Variants in SNTB1 observed in about 807,000 individuals in gnomAD.
SNTB1 encodes the protein beta-1-syntrophin.
SNTB1 carries 36 observed loss-of-function variants against 48.9 expected under a neutral mutation model. That is an observed-to-expected ratio of 0.74 (90% CI 0.56 to 0.97). The LOEUF is 0.97. SNTB1 is among the 50% of genes least tolerant of loss of function. SNTB1 has a pLI of 0.00. For synonymous variants in SNTB1, 299 were observed against 294.6 expected (o/e 1.01, Z -0.15); for missense variants, 786 against 703.4 (o/e 1.12, Z -1.33).
chr8:120,638,469 A>T (rs1390583122), intron 2 of SNTB1, among the ~76,000 whole-genome samples: 1 of 151,584 alleles, frequency 6.6e-6, no homozygotes, highest in Non-Finnish European at 1.5e-5. Context: ...GGTTTGTTAC[A>T]TGTGTATACA....
intron 2 of SNTB1, among the ~76,000 whole-genome samples, chr8:120,690,108 G>C (rs750224193): frequency 6.6e-6 from 1 of 152,160 alleles, no homozygotes; most frequent in African/African-American, 2.4e-5. Context: ...GAGAGACAGA[G>C]AGACCATATT....
chr8:120,560,440 G>A (rs1014280545), intron 4 of SNTB1, among the ~76,000 whole-genome samples: 11 of 152,120 alleles, frequency 7.2e-5, no homozygotes, highest in Admixed American at 2.0e-4. Flanking sequence ...CCGAGATTGC[G>A]CCATTGCACT....
At chr8:120,621,360 T>A (rs60436370) in intron 3 of SNTB1, among the ~76,000 whole-genome samples, 13,197 of 152,202 alleles carry the variant, frequency 0.087, 893 homozygotes, top group African/African-American at 0.18. Context: ...CAGTAAAGTG[T>A]CTAGGGAACC....
intron 1 of SNTB1, among the ~76,000 whole-genome samples, chr8:120,745,781 C>T (rs1433271590): frequency 1.3e-5 from 2 of 152,182 alleles, no homozygotes; most frequent in South Asian, 4.1e-4. Context: ...TAATCCTTAA[C>T]AGCTGCCATG....
At chr8:120,574,389 T>G (rs1484735116) in intron 4 of SNTB1, among the ~76,000 whole-genome samples, 1 of 152,098 alleles carries the variant, frequency 6.6e-6, no homozygotes, top group Non-Finnish European at 1.5e-5. Context: ...AAATAAAATA[T>G]AGAGGAAGGA....
At chr8:120,659,519 T>G (rs563852121) in intron 2 of SNTB1, among the ~76,000 whole-genome samples, 5 of 152,310 alleles carry the variant, frequency 3.3e-5, no homozygotes, top group East Asian at 1.9e-4. Flanking sequence ...GAGTTACCCA[T>G]GAGGGTTGGA....
chr8:120,688,687 A>G (rs1218077403), intron 2 of SNTB1, among the ~76,000 whole-genome samples: 2 of 152,190 alleles, frequency 1.3e-5, no homozygotes, highest in Non-Finnish European at 2.9e-5. Flanking sequence ...CAGGAAGGCA[A>G]TTGTAGGAAG....
At chr8:120,629,608 G>C (rs1211133129) in intron 3 of SNTB1, among the ~76,000 whole-genome samples, 1 of 152,058 alleles carries the variant, frequency 6.6e-6, no homozygotes, top group Non-Finnish European at 1.5e-5. Flanking sequence ...ATAACATTTT[G>C]CTAAAAACCA....
intron 2 of SNTB1, among the ~76,000 whole-genome samples, chr8:120,648,876 T>C (rs958326389): frequency 1.3e-5 from 2 of 152,222 alleles, no homozygotes; most frequent in African/African-American, 4.8e-5. Context: ...CTTTTTATTC[T>C]TTTTTCTCTA....
chr8:120,686,790 G>A (rs542965439), intron 2 of SNTB1, among the ~76,000 whole-genome samples: 2 of 152,162 alleles, frequency 1.3e-5, no homozygotes, highest in African/African-American at 4.8e-5. Flanking sequence ...TTTTACATAT[G>A]TAAAACATGC....
chr8:120,657,245 C>T (rs547984010), intron 2 of SNTB1, among the ~76,000 whole-genome samples: 2 of 152,198 alleles, frequency 1.3e-5, no homozygotes, highest in Admixed American at 6.5e-5. Context: ...TTCTCTAGGC[C>T]CCAGTGTACA....
At chr8:120,619,748 T>G (rs1563833271) in intron 3 of SNTB1, among the ~76,000 whole-genome samples, 1 of 152,206 alleles carries the variant, frequency 6.6e-6, no homozygotes, top group Non-Finnish European at 1.5e-5. Flanking sequence ...TTTGTCATTG[T>G]GTTAAGGGCC....
chr8:120,567,611 C>T (rs905310815), intron 4 of SNTB1, among the ~76,000 whole-genome samples: 8 of 151,730 alleles, frequency 5.3e-5, no homozygotes, highest in African/African-American at 1.5e-4. Flanking sequence ...TTTGTAGAGA[C>T]GGATCCTCCA....
chr8:120,638,225 T>A (rs894874980), intron 2 of SNTB1: 1 of 152,120 alleles, frequency 6.6e-6, no homozygotes, highest in African/African-American at 2.4e-5. Context: ...TTTTCATGGT[T>A]GGTGGATAGG....
chr8:120,730,108 C>A (rs574525970), intron 1 of SNTB1, among the ~76,000 whole-genome samples: 2 of 152,254 alleles, frequency 1.3e-5, no homozygotes, highest in East Asian at 3.9e-4. Flanking sequence ...AAGTACCCAC[C>A]TATCCTATGC....
chr8:120,650,173 C>T (rs916119234), intron 2 of SNTB1, among the ~76,000 whole-genome samples: 37 of 152,106 alleles, frequency 2.4e-4, no homozygotes, highest in African/African-American at 6.3e-4. Context: ...TGTTCCTATT[C>T]GGCCATCTTG....
At chr8:120,759,152 C>T (rs1302988526) in intron 1 of SNTB1, among the ~76,000 whole-genome samples, 1 of 152,080 alleles carries the variant, frequency 6.6e-6, no homozygotes, top group African/African-American at 2.4e-5. Flanking sequence ...AATTTCCATC[C>T]AGGCCAGAGA....
At chr8:120,595,551 T>A (rs1412860632) in intron 3 of SNTB1, among the ~76,000 whole-genome samples, 1 of 152,112 alleles carries the variant, frequency 6.6e-6, no homozygotes, top group Non-Finnish European at 1.5e-5. Flanking sequence ...GGGGCTGCTC[T>A]GTCTGTGAAG....
At position 120,611,366 on chromosome 8, in the gene SNTB1, G is replaced by A. The variant is rs537005462; in HGVS notation, c.996+21078C>T. 4.0e-5 allele frequency among the ~76,000 whole-genome samples: 6 copies of A among 150,096 alleles called. No individual in the cohort carries two copies. The South Asian group carries it at 6.4e-4, about 16-fold the overall frequency. On this transcript the variant is annotated intron_variant, in intron 3 of 6. Coordinates refer to ENST00000517992, the MANE Select transcript of SNTB1 (RefSeq NM_021021.4). ...AATTAGAAGCTCTGGAAAAAAAATC[G>A]TTAATAAGGAAACTGGGACTGTTAT...
Sources: allele counts gnomAD v4.1 joint callset (sites outside exome capture counted in the v4.1 genomes callset), GRCh38; gene constraint gnomAD v4.1.1; transcripts MANE v1.5; gene names NCBI Gene and HGNC (gene_info 2026-07-23, HGNC 2026-07-21).